Variants in DOCK2 observed in about 807,000 individuals in gnomAD.
The protein encoded by DOCK2 is dedicator of cytokinesis protein 2.
A neutral mutation model predicts 248.9 loss-of-function variants in DOCK2; 87 were observed. The observed-to-expected ratio is 0.35, with a 90% CI of 0.29 to 0.42. DOCK2 has a LOEUF of 0.42. Among genes scored for constraint, DOCK2 ranks in the 10% least tolerant of loss-of-function variants. The pLI is 1.00. For synonymous variants in DOCK2, 805 were observed against 821.6 expected, an observed-to-expected ratio of 0.98 and a Z score of 0.35; for missense variants, 1,747 against 2,300.2, an observed-to-expected ratio of 0.76 and a Z score of 4.92.
intron 27 of DOCK2, among the ~76,000 whole-genome samples, chr5:169,849,665 CT>C (rs1438706246): frequency 6.6e-6 from 1 of 152,188 alleles, no homozygotes; most frequent in Non-Finnish European, 1.5e-5. Flanking sequence ...AGAACTTTTT[CT>C]TTATGTGAGT....
intron 46 of DOCK2, among the ~76,000 whole-genome samples, chr5:170,073,582 A>G (rs1337588223): frequency 6.6e-6 from 1 of 152,210 alleles, no homozygotes; most frequent in Non-Finnish European, 1.5e-5. Flanking sequence ...CTAGCTCTCC[A>G]TTTATATAGT....
intron 27 of DOCK2, among the ~76,000 whole-genome samples, chr5:169,956,416 C>T (rs552394433): frequency 6.6e-5 from 10 of 152,258 alleles, no homozygotes; most frequent in Non-Finnish European, 1.3e-4. Flanking sequence ...CAGTCCCTCT[C>T]TCGTGGGTTG....
Position 169,840,899 on chromosome 5 carries a change from T to C in DOCK2, c.2799+47T>C, listed in dbSNP as rs182996660. ...GTCAAATGTTGCAAGCTCTTCAGCATCTAAAAATGGATTTTCTGAAAAGGC... is the reference window on the plus strand; with the variant it reads ...GTCAAATGTTGCAAGCTCTTCAGCACCTAAAAATGGATTTTCTGAAAAGGC... On this transcript the variant is annotated intron_variant, in intron 27 of 51. Transcript: ENST00000520908. The C allele has an allele frequency of 7.3e-5, 116 of 1,587,454 alleles. No individual in the cohort carries two copies. The East Asian group carries it at 2.5e-3, about 34-fold the overall frequency.
At chr5:169,934,663 T>C (rs1250347519) in intron 27 of DOCK2, 1 of 456,278 alleles carries the variant, frequency 2.2e-6, no homozygotes, top group South Asian at 1.5e-5. Flanking sequence ...ATGCAGCTGA[T>C]GATAGGACTG....
rs1581531492 is a variant in DOCK2 at position 170,019,110 on chromosome 5, T to C, written c.3381+2T>C. ...CAAAGAAGTGGGGATTTCAAAAAGG[T>C]AAAAAATGAGGCCGGAAACTCATGC... On this transcript the variant is annotated splice_donor_variant, in intron 33 of 51. Coordinates refer to ENST00000520908, the MANE Select transcript of DOCK2 (RefSeq NM_004946.3). LOFTEE classifies it high-confidence loss of function. The C allele has an allele frequency of 6.2e-7, 1 of 1,613,818 alleles. No homozygotes were observed. The highest frequency in any genetic ancestry group is 8.5e-7 in the Non-Finnish European group (1 of 1,179,858).
chr5:169,924,054 C>T (rs1775312225), intron 27 of DOCK2, among the ~76,000 whole-genome samples: 1 of 152,146 alleles, frequency 6.6e-6, no homozygotes, highest in Non-Finnish European at 1.5e-5. Flanking sequence ...TAGCTGATGC[C>T]CCTTGTCTCC....
At chr5:169,985,775 C>A in intron 28 of DOCK2, 53 bp from the exon 29 acceptor site, 1 of 1,494,392 alleles carries the variant, frequency 6.7e-7, no homozygotes, top group East Asian at 2.4e-5. Context: ...AGCCAACAAG[C>A]TCTGAGTTCC....
intron 2 of DOCK2, among the ~76,000 whole-genome samples, chr5:169,658,056 C>G (rs1434703381): frequency 6.6e-6 from 1 of 151,762 alleles, no homozygotes; most frequent in Non-Finnish European, 1.5e-5. Flanking sequence ...AAAAAATAAC[C>G]ACGTCTATCT....
intron 26 of DOCK2, among the ~76,000 whole-genome samples, chr5:169,807,848 A>G (rs2113162292): frequency 6.6e-6 from 1 of 150,478 alleles, no homozygotes; most frequent in African/African-American, 2.4e-5. Flanking sequence ...AAAAAAAAAA[A>G]AAAAAAAAAA....
intron 22 of DOCK2, among the ~76,000 whole-genome samples, chr5:169,723,291 T>A (rs1762302721): frequency 6.6e-6 from 1 of 152,170 alleles, no homozygotes; most frequent in Non-Finnish European, 1.5e-5. Context: ...TCTGCTTGGG[T>A]GTGAATTCTG....
chr5:169,837,615 G>C (rs1304332416), intron 26 of DOCK2, among the ~76,000 whole-genome samples: 1 of 152,062 alleles, frequency 6.6e-6, no homozygotes, highest in Admixed American at 6.6e-5. Context: ...GACTTTACCT[G>C]CATTACCTTG....
chr5:169,760,543 A>G (rs912401326), intron 24 of DOCK2, among the ~76,000 whole-genome samples: 1 of 152,166 alleles, frequency 6.6e-6, no homozygotes, highest in Non-Finnish European at 1.5e-5. Context: ...TTCTGTTCAT[A>G]TGGAAGATTT....
intron 26 of DOCK2, among the ~76,000 whole-genome samples, chr5:169,825,131 GGAGGATGTGGA>G (rs1768757381): frequency 6.6e-6 from 1 of 151,792 alleles, no homozygotes; most frequent in African/African-American, 2.4e-5. Flanking sequence ...CAGGTGCTGG[GGAGGATGTGGA>G]GAAATAGGAA....
intron 27 of DOCK2, among the ~76,000 whole-genome samples, chr5:169,841,182 G>C (rs929569234): frequency 6.6e-6 from 1 of 152,164 alleles, no homozygotes; most frequent in African/African-American, 2.4e-5. Flanking sequence ...ATGTCCACTA[G>C]GAACCTTTTC....
At chr5:169,904,669 C>G (rs1212156529) in intron 27 of DOCK2, among the ~76,000 whole-genome samples, 1 of 152,180 alleles carries the variant, frequency 6.6e-6, no homozygotes, top group Non-Finnish European at 1.5e-5. Context: ...AGAAGGCTTC[C>G]CATCATTTAA....
chr5:169,663,327 T>C (rs1758548853), intron 2 of DOCK2, among the ~76,000 whole-genome samples: 1 of 152,112 alleles, frequency 6.6e-6, no homozygotes, highest in Admixed American at 6.5e-5. Flanking sequence ...TACCTGCAGG[T>C]TTTCTAGGCA....
At chr5:169,833,895 A>C (rs540484301) in intron 26 of DOCK2, among the ~76,000 whole-genome samples, 81 of 152,316 alleles carry the variant, frequency 5.3e-4, no homozygotes, top group South Asian at 1.7e-3. Flanking sequence ...TCTCCAACTA[A>C]ATGTCCCAAC....
intron 9 of DOCK2, chr5:169,695,061 C>T (rs1158349395): frequency 6.6e-6 from 1 of 152,226 alleles, no homozygotes; most frequent in African/African-American, 2.4e-5. Context: ...ATATGCCTTT[C>T]TTTGGCAAAT....
At chr5:169,900,141 C>G (rs573236330) in intron 27 of DOCK2, among the ~76,000 whole-genome samples, 2 of 152,328 alleles carry the variant, frequency 1.3e-5, no homozygotes, top group Admixed American at 6.5e-5. Context: ...CACCTCCAAG[C>G]TCTCAGATCT....
Sources: allele counts gnomAD v4.1 joint callset (sites outside exome capture counted in the v4.1 genomes callset), GRCh38; gene constraint gnomAD v4.1.1; transcripts MANE v1.5; gene names NCBI Gene and HGNC (gene_info 2026-07-23, HGNC 2026-07-21).